Variants in MTUS1 observed in about 807,000 individuals in gnomAD.
MTUS1 encodes the protein microtubule-associated tumor suppressor 1.
MTUS1 carries 109 observed loss-of-function variants against 120.8 expected under a neutral mutation model. The ratio of observed to expected loss-of-function variants is 0.90; its 90% CI spans 0.77 to 1.06. MTUS1 has a LOEUF of 1.06. Among genes scored for constraint, MTUS1 ranks in the 50% least tolerant of loss-of-function variants. The probability of loss-of-function intolerance (pLI) is 0.00; values close to 1 mark genes in which losing one functional copy is unlikely to be tolerated. For synonymous variants in MTUS1, 737 were observed against 550.5 expected (o/e 1.34, Z -4.74); for missense variants, 2,210 against 1,486.3 (o/e 1.49, Z -8.01).
At chr8:17,783,563 G>A (rs983514052) in intron 1 of MTUS1, among the ~76,000 whole-genome samples, 5 of 152,116 alleles carry the variant, frequency 3.3e-5, no homozygotes, top group African/African-American at 1.2e-4. Context: ...GCATGCTGTT[G>A]TGCTATGAGA....
chr8:17,684,321 T>A lies in MTUS1; in HGVS notation c.2838+7A>T, dbSNP rs1815273899. 3.7e-6 allele frequency: 6 copies of A among 1,612,348 alleles called. No homozygotes were observed. The highest frequency in any genetic ancestry group is 5.1e-6 in the Non-Finnish European group (6 of 1,178,398). On this transcript the variant is annotated splice_region_variant and intron_variant, in intron 7 of 14. Coordinates refer to ENST00000693296, the MANE Select transcript of MTUS1 (RefSeq NM_001363059.2). The stretch of plus-strand genomic sequence containing the variant: ...AGAAAGGCTCTTTCTAGGATGCACC[T>A]CCTTACCTCAGACAGCAGGTGCTGA...
chr8:17,713,054 T>C (rs1380858088), intron 6 of MTUS1, among the ~76,000 whole-genome samples, 160 bp downstream of exon 6: 2 of 152,228 alleles, frequency 1.3e-5, no homozygotes, highest in Non-Finnish European at 2.9e-5. Context: ...ATGCTTACCG[T>C]ATTTTAATGC....
At chr8:17,672,748 C>A (rs1563175006) in intron 8 of MTUS1, among the ~76,000 whole-genome samples, 2 of 152,146 alleles carry the variant, frequency 1.3e-5, no homozygotes, top group Non-Finnish European at 1.5e-5. Flanking sequence ...GATAGGCCAC[C>A]CACTGTACCA....
Position 17,655,989 on chromosome 8 carries a change from C to T in MTUS1, c.2982G>A (p.Gln994=). The part of the protein sequence containing the change: ...ELQTVYEAFV[Q]QHQAEKTERE... ...GTTCTGTTTTTTCAGCCTGGTGCTG[C>T]TGGACGAATGCTTCATACACTGTTT... The change falls in exon 9 of 15, where the codon CAG becomes CAA. Residue 994 remains glutamine, a synonymous_variant. Transcript: ENST00000693296. The T allele has an allele frequency of 6.2e-7, 1 of 1,614,218 alleles. No individual in the cohort carries two copies. The highest frequency in any genetic ancestry group is 1.3e-5 in the African/African-American group (1 of 75,052).
At chr8:17,722,361 T>A in intron 4 of MTUS1, 2 of 976,196 alleles carry the variant, frequency 2.0e-6, no homozygotes, top group Non-Finnish European at 2.4e-6. Flanking sequence ...TTTTGGCAGT[T>A]TGTCTTTAAA....
chr8:17,757,425 G>A (rs568326475), intron 1 of MTUS1, among the ~76,000 whole-genome samples: 1 of 152,252 alleles, frequency 6.6e-6, no homozygotes, highest in South Asian at 2.1e-4. Flanking sequence ...ACTGATGATG[G>A]CTGCACAATG....
chr8:17,733,983 C>A (rs866555989), intron 3 of MTUS1, among the ~76,000 whole-genome samples: 2 of 152,218 alleles, frequency 1.3e-5, no homozygotes, highest in Non-Finnish European at 2.9e-5. Context: ...ATTATATAAT[C>A]TCCTATATTA....
intron 1 of MTUS1, among the ~76,000 whole-genome samples, chr8:17,772,090 T>C (rs1295787259): frequency 6.6e-6 from 1 of 152,154 alleles, no homozygotes; most frequent in East Asian, 1.9e-4. Flanking sequence ...TCCTCTCCTT[T>C]AGTTTACCAT....
intron 1 of MTUS1, among the ~76,000 whole-genome samples, chr8:17,774,283 G>A (rs1009781253): frequency 4.6e-4 from 70 of 152,066 alleles, no homozygotes; most frequent in African/African-American, 1.6e-3. Flanking sequence ...CTGCATAAAC[G>A]CCAAACAGCT....
At chr8:17,686,698 T>C (rs1815883529) in intron 6 of MTUS1, among the ~76,000 whole-genome samples, 1 of 152,226 alleles carries the variant, frequency 6.6e-6, no homozygotes, top group Admixed American at 6.5e-5. Context: ...GTGAGTCTTT[T>C]ATATTAATAT....
intron 1 of MTUS1, among the ~76,000 whole-genome samples, chr8:17,798,854 G>A (rs1388318932): frequency 3.3e-5 from 5 of 152,154 alleles, no homozygotes. Flanking sequence ...AGGCTCTTAT[G>A]AATTAATGGA....
At chr8:17,700,854 A>G (rs1371475969) in intron 6 of MTUS1, among the ~76,000 whole-genome samples, 2 of 152,314 alleles carry the variant, frequency 1.3e-5, no homozygotes, top group Middle Eastern at 6.8e-3. Context: ...AAAGAGGATG[A>G]TACAGAATGT....
At chr8:17,651,234 A>G (rs990624309) in intron 12 of MTUS1, among the ~76,000 whole-genome samples, 2 of 152,186 alleles carry the variant, frequency 1.3e-5, no homozygotes, top group African/African-American at 4.8e-5. Context: ...TGGTTAATGC[A>G]TACAAACATA....
chr8:17,725,112 TC>T (rs931914740), intron 3 of MTUS1, among the ~76,000 whole-genome samples: 3 of 152,166 alleles, frequency 2.0e-5, no homozygotes, highest in Non-Finnish European at 4.4e-5. Flanking sequence ...CATCTTTTCT[TC>T]CCCAGATCCC....
chr8:17,723,499 G>C (rs952892995), intron 4 of MTUS1, 173 bp downstream of exon 4: 5 of 694,374 alleles, frequency 7.2e-6, no homozygotes, highest in African/African-American at 5.3e-5. Flanking sequence ...TATTTCAAGA[G>C]TGTTTTTCAA....
chr8:17,703,596 C>T lies in MTUS1; in HGVS notation c.2623+9618G>A, dbSNP rs796422790. On this transcript the variant is annotated intron_variant, in intron 6 of 14. Transcript: ENST00000693296. ...GTGAGCCGAGATCGCGCCACTGCAC[C>T]GCAGCCTGGGTGACAGAGCCAGACT... Among the ~76,000 whole-genome samples, 7 of 147,996 alleles carry T rather than the reference C, an allele frequency of 4.7e-5. No individual in the cohort carries two copies. The South Asian group carries it at 6.5e-4, about 14-fold the overall frequency.
chr8:17,799,748 G>T (rs949579014), intron 1 of MTUS1, among the ~76,000 whole-genome samples: 1 of 152,040 alleles, frequency 6.6e-6, no homozygotes, highest in Non-Finnish European at 1.5e-5. Context: ...GATTTACCAA[G>T]AATTATTTTC....
intron 1 of MTUS1, among the ~76,000 whole-genome samples, chr8:17,787,966 A>G (rs749368920): frequency 2.6e-5 from 4 of 152,146 alleles, no homozygotes; most frequent in Non-Finnish European, 5.9e-5. Flanking sequence ...CTAAAAATAC[A>G]AAAAATTAGC....
intron 6 of MTUS1, among the ~76,000 whole-genome samples, chr8:17,694,778 T>TA (rs963068227): frequency 1.7e-4 from 26 of 151,838 alleles, no homozygotes; most frequent in Middle Eastern, 3.4e-3. Context: ...ATTTAGGAGG[T>TA]AAAAAAATAA....
Sources: gnomAD v4.1 joint callset for allele counts (sites outside exome capture counted in the v4.1 genomes callset) on GRCh38, gnomAD v4.1.1 for gene constraint, MANE v1.5 for transcripts, NCBI Gene and HGNC (gene_info 2026-07-23, HGNC 2026-07-21) for gene names.